Variants in GRID2 observed in about 807,000 individuals in gnomAD.
GRID2 encodes the protein glutamate receptor ionotropic, delta-2.
GRID2 carries 33 observed loss-of-function variants against 114.8 expected under a neutral mutation model. The observed-to-expected ratio is 0.29, with a 90% confidence interval of 0.22 to 0.38. GRID2 has a LOEUF of 0.38. GRID2 is among the 10% of genes least tolerant of loss of function. GRID2 has a pLI of 1.00. For synonymous variants in GRID2, 505 were observed against 449.9 expected, an observed-to-expected ratio of 1.12 and a Z score of -1.55; for missense variants, 1,184 against 1,257.7, an observed-to-expected ratio of 0.94 and a Z score of 0.89.
chr4:92,965,986 T>C (rs1753131183), intron 2 of GRID2, among the ~76,000 whole-genome samples: 3 of 151,948 alleles, frequency 2.0e-5, no homozygotes, highest in Non-Finnish European at 4.4e-5. Context: ...ACCAGGCTCA[T>C]TCTTAGAAAC....
At chr4:93,369,615 A>C (rs915475578) in intron 8 of GRID2, among the ~76,000 whole-genome samples, 2 of 152,078 alleles carry the variant, frequency 1.3e-5, no homozygotes, top group African/African-American at 4.8e-5. Flanking sequence ...CAGCCTCCCA[A>C]GTAGTTTAGA....
At chr4:93,702,568 A>G (rs1727607459) in intron 14 of GRID2, among the ~76,000 whole-genome samples, 1 of 152,116 alleles carries the variant, frequency 6.6e-6, no homozygotes, top group Non-Finnish European at 1.5e-5. Context: ...CTCCTTTGGC[A>G]TGTATGCAAG....
At chr4:92,546,131 A>T (rs7700132) in intron 1 of GRID2, among the ~76,000 whole-genome samples, 33,652 of 152,060 alleles carry the variant, frequency 0.22, 4,634 homozygotes, top group African/African-American at 0.39. Context: ...CAGTTAATTT[A>T]AAAAAAGCTG....
chr4:93,344,363 T>C (rs1407041303), intron 8 of GRID2, among the ~76,000 whole-genome samples: 1 of 151,874 alleles, frequency 6.6e-6, no homozygotes, highest in African/African-American at 2.4e-5. Context: ...TTACATAACA[T>C]TTATGTATTT....
In GRID2 at chr4:93,357,067, G is replaced by A. The variant is rs576480323; in HGVS notation, c.1246-38540G>A. On this transcript the variant is annotated intron_variant, in intron 8 of 15. Transcript: ENST00000282020. ...AATTTTTTTTATGTTTTTATAGCTA[G>A]GATTTAGGGATCAAATGATATTTAA... Among the ~76,000 whole-genome samples the A allele has an allele frequency of 1.4e-4, 21 of 151,304 alleles. No homozygotes were observed. In the South Asian group the frequency reaches 3.7e-3, roughly 27 times the overall value.
chr4:93,397,347 A>C (rs1765430752), intron 9 of GRID2, among the ~76,000 whole-genome samples: 1 of 151,966 alleles, frequency 6.6e-6, no homozygotes, highest in South Asian at 2.1e-4. Flanking sequence ...ACATTGATGC[A>C]CTAATATTAA....
chr4:93,578,365 C>T (rs1350032567), intron 13 of GRID2, among the ~76,000 whole-genome samples: 1 of 151,996 alleles, frequency 6.6e-6, no homozygotes, highest in African/African-American at 2.4e-5. Flanking sequence ...GACACAGATC[C>T]AGGTTCTGTG....
intron 1 of GRID2, among the ~76,000 whole-genome samples, chr4:92,563,701 T>G (rs1254014642): frequency 2.0e-5 from 3 of 152,102 alleles, no homozygotes; most frequent in Admixed American, 6.6e-5. Context: ...ACTCAGATCA[T>G]TTTTTATTTC....
At chr4:93,730,711 G>T (rs959860884) in intron 14 of GRID2, among the ~76,000 whole-genome samples, 2 of 152,222 alleles carry the variant, frequency 1.3e-5, no homozygotes, top group East Asian at 3.8e-4. Context: ...ACGGAAAAGA[G>T]CCAGGAGTGG....
At chr4:93,796,864 G>A (rs1194445829) in intron 1 of GRID2, among the ~76,000 whole-genome samples, 1 of 152,132 alleles carries the variant, frequency 6.6e-6, no homozygotes, top group South Asian at 2.1e-4. Flanking sequence ...GAACGTACTT[G>A]TAAAGAGTGT....
rs568641445 is a variant in GRID2 at position 92,460,546 on chromosome 4, G to T, written c.89-129585G>T. Among the ~76,000 whole-genome samples, 8 of 152,260 alleles carry T rather than the reference G, an allele frequency of 5.3e-5. No individual in the cohort carries two copies. In the South Asian group the frequency reaches 1.7e-3, roughly 32 times the overall value. The stretch of plus-strand genomic sequence containing the variant: ...ACAATTGTTATTTCTGATACTGATA[G>T]AATTTTTGTCTCAAATAATTTTTAC... On this transcript the variant is annotated intron_variant, in intron 1 of 15. Coordinates refer to ENST00000282020, the MANE Select transcript of GRID2 (RefSeq NM_001510.4).
At chr4:93,340,114 G>T (rs1454719505) in intron 8 of GRID2, among the ~76,000 whole-genome samples, 1 of 152,036 alleles carries the variant, frequency 6.6e-6, no homozygotes. Flanking sequence ...GTGTCTAACT[G>T]CAATTTTCCT....
At chr4:93,795,209 A>G (rs1734773471) in intron 1 of GRID2, among the ~76,000 whole-genome samples, 1 of 152,138 alleles carries the variant, frequency 6.6e-6, no homozygotes, top group Admixed American at 6.5e-5. Context: ...TTACTATAGT[A>G]TATAGTAGTG....
At chr4:92,308,710 A>G (rs1191040717) in intron 1 of GRID2, among the ~76,000 whole-genome samples, 3 of 152,028 alleles carry the variant, frequency 2.0e-5, no homozygotes, top group Admixed American at 1.3e-4. Flanking sequence ...ATATAAAAGC[A>G]TTCCCAGAAG....
chr4:92,476,537 A>G (rs1722322901), intron 1 of GRID2, among the ~76,000 whole-genome samples: 1 of 152,164 alleles, frequency 6.6e-6, no homozygotes, highest in South Asian at 2.1e-4. Context: ...ATGTTATATG[A>G]TTAGATATCC....
chr4:92,639,589 G>T (rs1415706803), intron 2 of GRID2, among the ~76,000 whole-genome samples: 2 of 151,664 alleles, frequency 1.3e-5, no homozygotes, highest in African/African-American at 4.8e-5. Flanking sequence ...ACAAAGTGGA[G>T]ATAATCACAT....
intron 2 of GRID2, among the ~76,000 whole-genome samples, chr4:93,011,432 T>C (rs528143608): frequency 2.0e-5 from 3 of 152,156 alleles, no homozygotes; most frequent in African/African-American, 7.2e-5. Flanking sequence ...AGAGGTGTTG[T>C]GTGGGACACT....
At chr4:92,841,314 C>T (rs1470203645) in intron 2 of GRID2, among the ~76,000 whole-genome samples, 1 of 151,910 alleles carries the variant, frequency 6.6e-6, no homozygotes, top group Non-Finnish European at 1.5e-5. Flanking sequence ...ATTTTTTCAA[C>T]AAGTACCATA....
intron 8 of GRID2, among the ~76,000 whole-genome samples, chr4:93,324,736 G>T (rs1757638444): frequency 6.6e-6 from 1 of 152,076 alleles, no homozygotes; most frequent in African/African-American, 2.4e-5. Flanking sequence ...TCTATTCAGA[G>T]ATTCAACTTC....
Sources: gnomAD v4.1 joint callset for allele counts (sites outside exome capture counted in the v4.1 genomes callset) on GRCh38, gnomAD v4.1.1 for gene constraint, MANE v1.5 for transcripts, NCBI Gene and HGNC (gene_info 2026-07-23, HGNC 2026-07-21) for gene names.